ST6GALNAC1: variants seen among roughly 807,000 people sequenced by gnomAD.
The protein encoded by ST6GALNAC1 is alpha-N-acetylgalactosaminide alpha-2,6-sialyltransferase 1.
ST6GALNAC1 carries 45 observed loss-of-function variants against 56.8 expected under a neutral mutation model. That is an observed-to-expected ratio of 0.79 (90% CI 0.62 to 1.02). ST6GALNAC1 has a LOEUF of 1.02. Ranked by LOEUF, ST6GALNAC1 falls within the 50% of genes least tolerant of loss-of-function variation. The pLI, the probability that ST6GALNAC1 is intolerant of heterozygous loss-of-function variation, is 0.00. For missense variants in ST6GALNAC1, 743 were observed against 754.8 expected (o/e 0.98, Z 0.18); for synonymous variants, 295 against 297.8 (o/e 0.99, Z 0.10).
In ST6GALNAC1 at chr17:76,629,525, C is replaced by T. The variant is rs751250074; in HGVS notation, c.318G>A (p.Gln106=). The T allele has an allele frequency of 2.5e-6, 4 of 1,614,024 alleles. No homozygotes were observed. In the South Asian group the frequency reaches 4.4e-5, roughly 18 times the overall value. Residue 106 remains glutamine (Q), a synonymous_variant, in exon 2 of 9, where the codon CAG becomes CAA. Coordinates refer to ENST00000156626, the MANE Select transcript of ST6GALNAC1 (RefSeq NM_018414.5). ...CCTTGTCCTGCTCCTCCGGCGGTGC[C>T]TGGTTGGCCTCCTTTCCTCTGTCTC... ...TTGDRGKEAN[Q]APPEEQDKVP...
chr17:76,621,993 C>G (rs2075746409), downstream of ST6GALNAC1, among the ~76,000 whole-genome samples: 1 of 136,690 alleles, frequency 7.3e-6, no homozygotes, highest in Admixed American at 7.5e-5. Flanking sequence ...AGACCAGGGT[C>G]TTGTTATGTT....
chr17:76,628,261 TCCCTCCC>T (rs2075838575), intron 2 of ST6GALNAC1, among the ~76,000 whole-genome samples: 4 of 28,450 alleles, frequency 1.4e-4, no homozygotes, highest in East Asian at 1.3e-3. Context: ...CCTCCCTCCC[TCCCTCCC>T]TCCTTCCTTC....
chr17:76,630,279 G>A (rs1235551583), intron 1 of ST6GALNAC1, among the ~76,000 whole-genome samples: 3 of 152,176 alleles, frequency 2.0e-5, no homozygotes, highest in Non-Finnish European at 4.4e-5. Context: ...ATTCGAGGCA[G>A]GAAACAAAGG....
intron 1 of ST6GALNAC1, among the ~76,000 whole-genome samples, chr17:76,631,907 T>G (rs562662198): frequency 6.6e-6 from 1 of 152,320 alleles, no homozygotes; most frequent in East Asian, 1.9e-4. Context: ...TCTGAAAGAA[T>G]GCCACTCAAC....
Position 76,625,502 on chromosome 17 carries a change from T to C in ST6GALNAC1, c.1631A>G (p.Glu544Gly). ...GTGATCAGAAAAGCGCTCATGGCCC[T>C]CAGTGATGAAGCCATAAGCACTCAC... ...DQVSAYGFITEGHERFSDHYY... is the reference protein window; with the variant it reads ...DQVSAYGFITGGHERFSDHYY... Residue 544 changes from glutamate (E) to glycine (G), a missense_variant, in exon 9 of 9, where the codon GAG becomes GGG. Transcript: ENST00000156626. 1 of 1,614,020 alleles carries C rather than the reference T, an allele frequency of 6.2e-7. No individual in the cohort carries two copies. The highest frequency in any genetic ancestry group is 8.5e-7 in the Non-Finnish European group (1 of 1,180,016).
the ST6GALNAC1 span, among the ~76,000 whole-genome samples, chr17:76,617,423 G>T: frequency 6.6e-6 from 1 of 152,084 alleles, no homozygotes; most frequent in Non-Finnish European, 1.5e-5. Flanking sequence ...CCACAAATTA[G>T]GTTTATTAGC....
intron 1 of ST6GALNAC1, among the ~76,000 whole-genome samples, chr17:76,639,437 G>A (rs1273993581): frequency 6.6e-6 from 1 of 151,994 alleles, no homozygotes; most frequent in East Asian, 1.9e-4. Flanking sequence ...TTAGCCGAGC[G>A]TGGTGGCGTG....
chr17:76,619,004 C>T, the ST6GALNAC1 span, among the ~76,000 whole-genome samples: 1 of 152,162 alleles, frequency 6.6e-6, no homozygotes, highest in African/African-American at 2.4e-5. Context: ...TCAGTGTGGA[C>T]TCCTAGATTA....
At position 76,627,400 on chromosome 17, in the gene ST6GALNAC1, G is replaced by A. The variant is rs1172008476; in HGVS notation, c.1000+15C>T. The A allele has an allele frequency of 8.1e-6, 13 of 1,613,728 alleles. No homozygotes were observed. In the African/African-American group the frequency reaches 1.2e-4, roughly 15 times the overall value. The stretch of plus-strand genomic sequence containing the variant: ...CTACTGCGCACCCACACCTTCCCCT[G>A]GGTTAAGGACTCACAGGAGTAGTTG... On this transcript the variant is annotated intron_variant, in intron 3 of 8. Coordinates refer to ENST00000156626, the MANE Select transcript of ST6GALNAC1 (RefSeq NM_018414.5). This position sits in a 1 kb window ranked among gnomAD's most constrained non-coding sequence, Gnocchi z 4.4.
chr17:76,635,139 C>T (rs568550242), intron 1 of ST6GALNAC1, among the ~76,000 whole-genome samples: 27 of 152,256 alleles, frequency 1.8e-4, no homozygotes, highest in African/African-American at 6.5e-4. Context: ...TGGTGGTTTT[C>T]AGCCACCTCA....
intron 5 of ST6GALNAC1, 44 bp from the exon 6 acceptor site, chr17:76,626,436 G>C: frequency 6.3e-7 from 1 of 1,595,530 alleles, no homozygotes; most frequent in Non-Finnish European, 8.6e-7. Flanking sequence ...ACTGCCTTCA[G>C]GACCACCACC....
At chr17:76,626,186 C>T (rs780488432) in intron 6 of ST6GALNAC1, 91 bp from the exon 7 acceptor site, 2 of 1,543,884 alleles carry the variant, frequency 1.3e-6, no homozygotes, top group Non-Finnish European at 1.8e-6. Flanking sequence ...GGTATCCCAT[C>T]TCCAGGTGAT....
intron 5 of ST6GALNAC1, 95 bp from the exon 6 acceptor site, chr17:76,626,487 G>C (rs2075800323): frequency 1.3e-6 from 2 of 1,504,332 alleles, no homozygotes; most frequent in Admixed American, 1.7e-5. Flanking sequence ...CACTTGCTCT[G>C]CTCTGGACTG....
chr17:76,627,553 A>T lies in ST6GALNAC1; in HGVS notation c.862T>A (p.Ser288Thr). The change falls in exon 3 of 9, where the codon TCC (serine) becomes ACC (threonine). Residue 288 changes from serine (S) to threonine (T), a missense_variant. Transcript: ENST00000156626. The surrounding 1 kb of genome is among the most constrained non-coding windows in gnomAD (Gnocchi z 4.4). The part of the protein sequence containing the change: ...TCPDSVKIKA[S>T]KSLWLQKLFL... ...AGTTTCTGGAGCCACAGCGACTTGG[A>T]GGCTTTGATCTTCACAGAGTCAGGG... 6.2e-7 allele frequency: 1 copy of T among 1,614,118 alleles called. No individual in the cohort carries two copies. The highest frequency in any genetic ancestry group is 1.1e-5 in the South Asian group (1 of 91,080).
chr17:76,635,879 G>A (rs915654270), intron 1 of ST6GALNAC1, among the ~76,000 whole-genome samples: 18 of 152,252 alleles, frequency 1.2e-4, no homozygotes, highest in Admixed American at 3.3e-4. Context: ...GCCTTAAAGT[G>A]TCATCGGTAT....
intron 1 of ST6GALNAC1, among the ~76,000 whole-genome samples, chr17:76,634,192 C>T (rs1158797041): frequency 1.3e-5 from 2 of 152,164 alleles, no homozygotes; most frequent in Non-Finnish European, 2.9e-5. Flanking sequence ...CACAGAATCG[C>T]CTCTACTTAC....
chr17:76,626,379 A>T lies in ST6GALNAC1; in HGVS notation c.1325T>A (p.Leu442Ter). 6.2e-7 allele frequency: 1 copy of T among 1,614,124 alleles called. No individual in the cohort carries two copies. Among genetic ancestry groups the T allele is most frequent in the Non-Finnish European group, 8.5e-7 (1 of 1,180,012 alleles). The change falls in exon 6 of 9, where the codon TTG (leucine) becomes TAG (stop). Residue 442 changes from leucine to a stop codon, truncating the protein, a stop_gained. Coordinates refer to ENST00000156626, the MANE Select transcript of ST6GALNAC1 (RefSeq NM_018414.5). LOFTEE classifies it high-confidence loss of function. ...NVPLGKDVRY[L>*]HFLEGTRDYE... is the part of the protein sequence containing the mutation. ...GTCCCGGGTGCCTTCCAGGAAGTGC[A>T]AGTAGCGGACGTCCTGAGGACCAAG...
downstream of ST6GALNAC1, among the ~76,000 whole-genome samples, chr17:76,623,787 CAG>C (rs2075762566): frequency 6.6e-6 from 1 of 152,192 alleles, no homozygotes; most frequent in Non-Finnish European, 1.5e-5. Context: ...TCTAACCCAT[CAG>C]TATATTCTAC....
rs563218174 is a variant in ST6GALNAC1 at position 76,639,422 on chromosome 17, A to G, written c.131+4086T>C. ...AAAACCCTGTCTCCACTAAAAGTACAATAATTAGCCGAGCGTGGTGGCGTG... is the reference window on the plus strand; with the variant it reads ...AAAACCCTGTCTCCACTAAAAGTACGATAATTAGCCGAGCGTGGTGGCGTG... On this transcript the variant is annotated intron_variant, in intron 1 of 8. Coordinates refer to ENST00000156626, the MANE Select transcript of ST6GALNAC1 (RefSeq NM_018414.5). Among the ~76,000 whole-genome samples the G allele has an allele frequency of 1.1e-4, 17 of 152,142 alleles. No individual in the cohort carries two copies. In the East Asian group the frequency reaches 2.9e-3, roughly 26 times the overall value.
Sources: gnomAD v4.1 joint callset for allele counts (sites outside exome capture counted in the v4.1 genomes callset) on GRCh38, gnomAD v4.1.1 for gene constraint, Gnocchi (gnomAD v3.1) non-coding constraint, MANE v1.5 for transcripts, NCBI Gene and HGNC (gene_info 2026-07-23, HGNC 2026-07-21) for gene names.